TOGARAM1: variants seen among roughly 807,000 people sequenced by gnomAD.
TOGARAM1 encodes the protein TOG array regulator of axonemal microtubules protein 1.
TOGARAM1 carries 100 observed loss-of-function variants against 166.6 expected under a neutral mutation model. The observed-to-expected ratio is 0.60, with a 90% CI of 0.51 to 0.71. The LOEUF (loss-of-function observed/expected upper bound fraction) is 0.71, where lower values mean the gene tolerates loss of function less well. Among genes scored for constraint, TOGARAM1 ranks in the 30% least tolerant of loss-of-function variants. The probability of loss-of-function intolerance (pLI) is 0.00; values close to 1 mark genes in which losing one functional copy is unlikely to be tolerated. For missense variants in TOGARAM1, 2,029 were observed against 2,102.7 expected (o/e 0.96, Z 0.69); for synonymous variants, 758 against 763.8 (o/e 0.99, Z 0.13).
intron 16 of TOGARAM1, among the ~76,000 whole-genome samples, chr14:45,064,460 C>A (rs575691556): frequency 1.3e-5 from 2 of 152,012 alleles, no homozygotes; most frequent in South Asian, 4.2e-4. Flanking sequence ...TTTTTCTGGG[C>A]AGTACGTGAC....
intron 4 of TOGARAM1, 40 bp downstream of exon 4, chr14:45,004,406 A>G (rs771859014): frequency 3.8e-6 from 6 of 1,566,456 alleles, no homozygotes; most frequent in Non-Finnish European, 5.2e-6. Context: ...TTGTGTTTGA[A>G]TTAGTACTTT....
chr14:45,042,651 A>T (rs1881785524), intron 11 of TOGARAM1, among the ~76,000 whole-genome samples: 1 of 152,198 alleles, frequency 6.6e-6, no homozygotes, highest in Non-Finnish European at 1.5e-5. Context: ...AAAAGATATA[A>T]AAGTTATCTT....
In TOGARAM1 at chr14:45,054,396, A is replaced by G. The variant is rs567940550; in HGVS notation, c.4441-35A>G. 9 of 1,352,398 alleles carry G rather than the reference A, an allele frequency of 6.7e-6. 1 individual carries two copies. The African/African-American group carries it at 1.3e-4, about 20-fold the overall frequency. The allele number at this position is 1,352,398 out of a possible 1,614,324, so 83.8% of individuals were successfully genotyped here. A position where few individuals can be genotyped will look rare whatever the true frequency, so the allele number is the denominator to read the frequency against. ...TAAATTATTTCACTACTAGTTTTAA[A>G]ATTTGTATTATACTAATTTTATATT... On this transcript the variant is annotated intron_variant, in intron 15 of 19. Coordinates refer to ENST00000361462, the MANE Select transcript of TOGARAM1 (RefSeq NM_001308120.2).
intron 16 of TOGARAM1, among the ~76,000 whole-genome samples, chr14:45,057,096 A>G (rs985715584): frequency 3.3e-5 from 5 of 151,930 alleles, no homozygotes; most frequent in African/African-American, 9.7e-5. Context: ...TCCTAGTTCA[A>G]TCTTGGGAGG....
rs1158857788 is a variant in TOGARAM1, at chr14:45,004,130, C to T, written c.2408C>T (p.Ser803Leu). ...GGTAGTCAAACAGAGTGTACTTCCT[C>T]AAATGGTCAAAATCCAAGTCCAGGA... is the stretch of plus-strand genomic sequence containing the variant. ...TFGSQTECTS[S>L]NGQNPSPGAY... The change falls in exon 4 of 20, where the codon TCA (serine) becomes TTA (leucine). Residue 803 changes from serine (S) to leucine (L), a missense_variant. Transcript: ENST00000361462. 3.7e-6 allele frequency: 6 copies of T among 1,614,096 alleles called. No homozygotes were observed. Among genetic ancestry groups the T allele is most frequent in the African/African-American group, 1.3e-5 (1 of 75,036 alleles).
chr14:45,015,701 A>G (rs936657047), intron 7 of TOGARAM1, among the ~76,000 whole-genome samples: 2 of 152,046 alleles, frequency 1.3e-5, no homozygotes, highest in Non-Finnish European at 2.9e-5. Context: ...TAGAAGAGGT[A>G]CTATTATCTC....
At chr14:45,031,797 A>G (rs1037617688) in intron 10 of TOGARAM1, among the ~76,000 whole-genome samples, 1 of 152,240 alleles carries the variant, frequency 6.6e-6, no homozygotes, top group Non-Finnish European at 1.5e-5. Flanking sequence ...AGACTAAACT[A>G]ATAGTACTAA....
In TOGARAM1 at chr14:44,964,141, G is replaced by T. The variant is rs765486027; in HGVS notation, c.1720G>T (p.Ala574Ser). ...GVMNAVQARL[A>S]RKTLPRLTEQ... ...GATGAATGCTGTGCAGGCCAGATTGGCTAGGAAAACCTTACCAAGGCTCAC... is the reference window on the plus strand; with the variant it reads ...GATGAATGCTGTGCAGGCCAGATTGTCTAGGAAAACCTTACCAAGGCTCAC... Residue 574 changes from alanine to serine, a missense_variant, in exon 1 of 20, where the codon GCT (alanine) becomes TCT (serine). Coordinates refer to ENST00000361462, the MANE Select transcript of TOGARAM1 (RefSeq NM_001308120.2). The T allele has an allele frequency of 1.2e-6, 2 of 1,614,084 alleles. No homozygotes were observed. The highest frequency in any genetic ancestry group is 1.7e-5 in the Admixed American group (1 of 60,012).
intron 18 of TOGARAM1, among the ~76,000 whole-genome samples, chr14:45,071,285 G>GTT (rs10711034): frequency 3.6e-5 from 5 of 138,182 alleles, no homozygotes; most frequent in African/African-American, 5.3e-5. Context: ...GATTCAGGCA[G>GTT]TTTTTTTTTT....
At chr14:45,061,882 T>G (rs887355188) in intron 16 of TOGARAM1, among the ~76,000 whole-genome samples, 7 of 152,144 alleles carry the variant, frequency 4.6e-5, no homozygotes, top group African/African-American at 1.7e-4. Context: ...TGGTTTCTTC[T>G]TTAATACAGG....
intron 16 of TOGARAM1, among the ~76,000 whole-genome samples, chr14:45,061,459 T>C (rs1555352254): frequency 6.6e-6 from 1 of 152,230 alleles, no homozygotes; most frequent in Non-Finnish European, 1.5e-5. Flanking sequence ...ATCTTTACCT[T>C]ATTCCTGATC....
Position 45,044,672 on chromosome 14 carries a change from T to C in TOGARAM1, c.3956T>C (p.Val1319Ala), listed in dbSNP as rs779178935. The change falls in exon 13 of 20, where the codon GTG becomes GCG. Residue 1319 changes from valine to alanine, a missense_variant. By Grantham distance (64) the Val-to-Ala change is moderately conservative (BLOSUM62 0). Coordinates refer to ENST00000361462, the MANE Select transcript of TOGARAM1 (RefSeq NM_001308120.2). ...CGTTCTGGAGTTTCTCGTGCTGCTG[T>C]GGTCTGTTTAAGTGATCTTTTCACT... ...NLRSGVSRAA[V>A]VCLSDLFTYL... 1.1e-5 allele frequency: 18 copies of C among 1,613,546 alleles called. No individual in the cohort carries two copies. The highest frequency in any genetic ancestry group is 1.6e-4 in the Middle Eastern group (1 of 6,082).
intron 1 of TOGARAM1, among the ~76,000 whole-genome samples, chr14:44,969,146 C>CTTCCTT (rs1885735539): frequency 7.6e-6 from 1 of 131,262 alleles, no homozygotes; most frequent in African/African-American, 3.5e-5. Flanking sequence ...TCCTTCCTTC[C>CTTCCTT]TTTCTTTCTT....
At chr14:45,038,565 C>T (rs912690763) in intron 11 of TOGARAM1, among the ~76,000 whole-genome samples, 1 of 152,202 alleles carries the variant, frequency 6.6e-6, no homozygotes, top group African/African-American at 2.4e-5. Context: ...CTGTGGGCAC[C>T]AGGGAATGTG....
At chr14:45,025,134 A>T (rs770677483) in intron 7 of TOGARAM1, among the ~76,000 whole-genome samples, 1 of 152,210 alleles carries the variant, frequency 6.6e-6, no homozygotes, top group African/African-American at 2.4e-5. Flanking sequence ...AAAAGCACAG[A>T]TTGCTGTGAC....
chr14:45,071,657 GTAAC>G, intron 18 of TOGARAM1, 51 bp from the exon 19 acceptor site: 3 of 1,226,354 alleles, frequency 2.4e-6, no homozygotes, highest in South Asian at 1.3e-5. Flanking sequence ...GTAATGGAAA[GTAAC>G]TAAGAGCTCA....
At chr14:44,967,568 A>G (rs1479550866) in intron 1 of TOGARAM1, among the ~76,000 whole-genome samples, 1 of 152,218 alleles carries the variant, frequency 6.6e-6, no homozygotes, top group Non-Finnish European at 1.5e-5. Flanking sequence ...AAGTGTGGAT[A>G]GGTCCCAGTG....
intron 1 of TOGARAM1, among the ~76,000 whole-genome samples, chr14:44,993,837 C>G (rs937762263): frequency 1.3e-5 from 2 of 152,144 alleles, no homozygotes; most frequent in Non-Finnish European, 2.9e-5. Flanking sequence ...TTGTATGTAT[C>G]TGGCCTATAT....
intron 8 of TOGARAM1, among the ~76,000 whole-genome samples, chr14:45,026,530 C>T (rs1035110341): frequency 6.6e-6 from 1 of 152,122 alleles, no homozygotes; most frequent in African/African-American, 2.4e-5. Context: ...TTCTGTTATT[C>T]CTTTATTTGC....
Sources: allele counts gnomAD v4.1 joint callset (sites outside exome capture counted in the v4.1 genomes callset), GRCh38; gene constraint gnomAD v4.1.1; transcripts MANE v1.5; gene names NCBI Gene and HGNC (gene_info 2026-07-23, HGNC 2026-07-21).